Variants in SMC1A observed in about 807,000 individuals in gnomAD.
The protein encoded by SMC1A is structural maintenance of chromosomes protein 1A.
In SMC1A, 4 loss-of-function variants were observed where a neutral mutation model predicts 94.5. The observed-to-expected ratio is 0.04, with a 90% CI of 0.02 to 0.10. The LOEUF is 0.10. Ranked by LOEUF, SMC1A falls within the 10% of genes least tolerant of loss-of-function variation. The pLI is 1.00. For missense variants in SMC1A, 304 were observed against 989.0 expected (o/e 0.31, Z 9.29); for synonymous variants, 345 against 347.7 (o/e 0.99, Z 0.09).
rs1475938402 is a variant in SMC1A, at chrX:53,409,413, C to G, written c.1337+8G>C. On this transcript the variant is annotated splice_region_variant and intron_variant, in intron 8 of 24. Coordinates refer to ENST00000322213, the MANE Select transcript of SMC1A (RefSeq NM_006306.4). Reference sequence around the variant, plus strand: ...GGAAGTAAGGGGGACAGATGCAGAGCTACATACTTGCTAGTGGTGATGTAT... The same window carrying G: ...GGAAGTAAGGGGGACAGATGCAGAGGTACATACTTGCTAGTGGTGATGTAT... 8 of 1,191,337 alleles carry G rather than the reference C, an allele frequency of 6.7e-6. No individual in the cohort carries two copies. Among genetic ancestry groups the G allele is most frequent in the Non-Finnish European group, 5.7e-6 (5 of 878,463 alleles).
chrX:53,385,583 G>C (rs1330858989), intron 19 of SMC1A, among the ~76,000 whole-genome samples: 1 of 110,399 alleles, frequency 9.1e-6, no homozygotes, highest in Non-Finnish European at 1.9e-5. Flanking sequence ...CCCCAGGATA[G>C]ATTTTTAAGT....
At chrX:53,396,757 C>T (rs1179261378) in intron 16 of SMC1A, 140 bp from the exon 17 acceptor site, 8 of 642,393 alleles carry the variant, frequency 1.2e-5, no homozygotes, top group African/African-American at 1.1e-4. Flanking sequence ...ACCCCCATCA[C>T]CCCTCAGCCT....
At position 53,406,018 on chromosome X, in the gene SMC1A, T is replaced by C. The variant is rs1325866162; in HGVS notation, c.1546-62A>G. On this transcript the variant is annotated intron_variant, in intron 9 of 24. Coordinates refer to ENST00000322213, the MANE Select transcript of SMC1A (RefSeq NM_006306.4). Reference sequence around the variant, plus strand: ...CTTTTGGAAGCTGGCTCAGGAATCCTAATTCCCAGTATGGAAAGGGGGACA... The same window carrying C: ...CTTTTGGAAGCTGGCTCAGGAATCCCAATTCCCAGTATGGAAAGGGGGACA... 28 of 1,013,475 alleles carry C rather than the reference T, an allele frequency of 2.8e-5. 1 individual carries two copies. Among genetic ancestry groups the C allele is most frequent in the Non-Finnish European group, 3.9e-5 (28 of 718,486 alleles). 83.5% of individuals were successfully genotyped at this position (1,013,475 alleles called of 1,213,427 possible).
chrX:53,391,923 C>G (rs2075630972), intron 19 of SMC1A, among the ~76,000 whole-genome samples: 1 of 110,494 alleles, frequency 9.1e-6, no homozygotes, highest in Non-Finnish European at 1.9e-5. Flanking sequence ...CCACTAGATG[C>G]CAGTAGTAAC....
chrX:53,395,299 C>T (rs1425312338), intron 18 of SMC1A, among the ~76,000 whole-genome samples: 2 of 112,175 alleles, frequency 1.8e-5, no homozygotes, highest in East Asian at 2.8e-4. Context: ...GCCAAGATCA[C>T]GCCACTGCAC....
At chrX:53,394,138 G>GC in intron 19 of SMC1A, among the ~76,000 whole-genome samples, 1 of 80,741 alleles carries the variant, frequency 1.2e-5, no homozygotes, top group Non-Finnish European at 2.3e-5. Flanking sequence ...GGCAACAAGA[G>GC]TGAAACTCCG....
At chrX:53,393,441 TA>T (rs1397808666) in intron 19 of SMC1A, among the ~76,000 whole-genome samples, 1 of 111,255 alleles carries the variant, frequency 9.0e-6, no homozygotes, top group Admixed American at 9.6e-5. Context: ...AAAATAAAAA[TA>T]AAAAAATATT....
rs782065369 is a variant in SMC1A, at chrX:53,376,508, A to T, written c.*3595T>A. On this transcript the variant is annotated 3_prime_UTR_variant, in exon 25 of 25. Transcript: ENST00000322213. ...TGAATTCTGTAGCCATGCATTTACGACCCTCTTCCAATCTGGTTCCTCTCT... is the reference window on the plus strand; with the variant it reads ...TGAATTCTGTAGCCATGCATTTACGTCCCTCTTCCAATCTGGTTCCTCTCT... The T allele has an allele frequency of 9.0e-6, 1 of 111,099 alleles. No individual in the cohort carries two copies. The allele number at this position is 111,099 out of a possible 1,213,427, so 9.2% of individuals were successfully genotyped here.
At chrX:53,407,827 T>A (rs1443713308) in intron 9 of SMC1A, among the ~76,000 whole-genome samples, 1 of 111,147 alleles carries the variant, frequency 9.0e-6, no homozygotes, top group Non-Finnish European at 1.9e-5. Context: ...AAAAACACTT[T>A]GGTTTTTTCC....
intron 19 of SMC1A, among the ~76,000 whole-genome samples, chrX:53,389,351 A>G (rs1171403033): frequency 1.8e-5 from 2 of 111,343 alleles, no homozygotes; most frequent in Non-Finnish European, 3.8e-5. Flanking sequence ...CTATTGATCA[A>G]TCATCTTATT....
At chrX:53,409,024 G>GT (rs1569357925) in intron 9 of SMC1A, 38 bp downstream of exon 9, 2 of 1,159,446 alleles carry the variant, frequency 1.7e-6, no homozygotes, top group East Asian at 6.0e-5. Flanking sequence ...GACAGTGAGT[G>GT]TAAGTGCTCA....
Position 53,403,598 on chromosome X carries a change from CT to C in SMC1A, c.2387del (p.Lys796ArgfsTer2), listed in dbSNP as rs782136069. The C allele has an allele frequency of 8.3e-7, 1 of 1,207,318 alleles. No individual in the cohort carries two copies. The highest frequency in any genetic ancestry group is 1.1e-6 in the Non-Finnish European group (1 of 893,180). On this transcript the variant is annotated frameshift_variant, in exon 15 of 25. Coordinates refer to ENST00000322213, the MANE Select transcript of SMC1A (RefSeq NM_006306.4). LOFTEE classifies it high-confidence loss of function. Reference sequence around the variant, plus strand: ...TGGCGATTTCATTCTGCCGTTTCACCTTTTCTTCCTCAAACTCCCGGATGTT... The same window carrying C: ...TGGCGATTTCATTCTGCCGTTTCACCTTTCTTCCTCAAACTCCCGGATGTT... ...VRNIREFEEE[K>X]VKRQNEIAKK... is the part of the protein sequence containing the mutation.
chrX:53,382,979 G>GAA (rs1206820927), intron 20 of SMC1A, 118 bp downstream of exon 20: 1 of 768,595 alleles, frequency 1.3e-6, no homozygotes. Context: ...TAGGGCTCCT[G>GAA]AGAGTTTTAA....
chrX:53,380,428 C>T (rs189439282), intron 24 of SMC1A, among the ~76,000 whole-genome samples, 192 bp downstream of exon 24: 177 of 111,710 alleles, frequency 1.6e-3, no homozygotes, highest in Non-Finnish European at 2.3e-3. Flanking sequence ...CCACCTGTCC[C>T]CAAATGCAAT....
chrX:53,405,188 G>A, intron 12 of SMC1A, 39 bp from the exon 13 acceptor site: 1 of 1,212,139 alleles, frequency 8.2e-7, no homozygotes, highest in Non-Finnish European at 1.1e-6. Context: ...TGGTAAGGTG[G>A]TGGCTGACCT....
At position 53,380,196 on chromosome X, in the gene SMC1A, G is replaced by A. The variant is rs782533886; in HGVS notation, c.3619-10C>T. ...TCACACAGTCCCCTTGCTGAAGGAGGAGGGAGAAAAAGAAAAATAAAATTG... is the reference window on the plus strand; with the variant it reads ...TCACACAGTCCCCTTGCTGAAGGAGAAGGGAGAAAAAGAAAAATAAAATTG... On this transcript the variant is annotated splice_polypyrimidine_tract_variant and intron_variant, in intron 24 of 24. Transcript: ENST00000322213. 8.6e-7 allele frequency: 1 copy of A among 1,168,552 alleles called. No individual in the cohort carries two copies. The highest frequency in any genetic ancestry group is 1.2e-6 in the Non-Finnish European group (1 of 858,114).
At chrX:53,410,062 C>T (rs2075705232) in intron 7 of SMC1A, among the ~76,000 whole-genome samples, 1 of 111,802 alleles carries the variant, frequency 8.9e-6, no homozygotes, top group African/African-American at 3.3e-5. Flanking sequence ...GAACACTGTA[C>T]ACTCCTGGGA....
intron 3 of SMC1A, among the ~76,000 whole-genome samples, chrX:53,413,827 A>G (rs1419002608): frequency 1.8e-5 from 2 of 111,565 alleles, no homozygotes; most frequent in Admixed American, 9.6e-5. Context: ...CTGTAATCCC[A>G]GCACTTTGGG....
intron 13 of SMC1A, among the ~76,000 whole-genome samples, chrX:53,404,751 C>T (rs782632054): frequency 1.8e-5 from 2 of 111,335 alleles, no homozygotes; most frequent in Non-Finnish European, 3.8e-5. Flanking sequence ...CGTGCCCGGC[C>T]GAGTAGGTAT....
Sources: gnomAD v4.1 joint callset for allele counts (sites outside exome capture counted in the v4.1 genomes callset) on GRCh38, gnomAD v4.1.1 for gene constraint, MANE v1.5 for transcripts, NCBI Gene and HGNC (gene_info 2026-07-23, HGNC 2026-07-21) for gene names.